NKAIN2: variants seen among roughly 807,000 people sequenced by gnomAD.
NKAIN2 encodes sodium/potassium-transporting ATPase subunit beta-1-interacting protein 2.
In NKAIN2, 14 loss-of-function variants were observed where a neutral mutation model predicts 32.6. The observed-to-expected ratio is 0.43, with a 90% CI of 0.28 to 0.67. NKAIN2 has a LOEUF of 0.67. Among genes scored for constraint, NKAIN2 ranks in the 30% least tolerant of loss-of-function variants. The pLI is 0.17. For synonymous variants in NKAIN2, 80 were observed against 87.2 expected, an observed-to-expected ratio of 0.92 and a Z score of 0.46; for missense variants, 198 against 258.3, an observed-to-expected ratio of 0.77 and a Z score of 1.60.
intron 1 of NKAIN2, among the ~76,000 whole-genome samples, chr6:124,051,981 AG>A: frequency 6.6e-6 from 1 of 152,162 alleles, no homozygotes. Flanking sequence ...ACTGCCTGGG[AG>A]GGGCCAAGAA....
intron 3 of NKAIN2, among the ~76,000 whole-genome samples, chr6:124,599,356 C>T (rs1038398991): frequency 1.3e-5 from 2 of 152,034 alleles, no homozygotes; most frequent in Admixed American, 6.6e-5. Context: ...AAAAAAAAAT[C>T]TGTTTACAGC....
At chr6:124,278,066 A>G (rs895978935) in intron 1 of NKAIN2, among the ~76,000 whole-genome samples, 2 of 152,174 alleles carry the variant, frequency 1.3e-5, no homozygotes, top group Admixed American at 1.3e-4. Flanking sequence ...ACAAAATGCA[A>G]TTTCTTAAGG....
At chr6:124,695,103 G>T (rs1227313976) in intron 4 of NKAIN2, among the ~76,000 whole-genome samples, 5 of 148,902 alleles carry the variant, frequency 3.4e-5, no homozygotes, top group African/African-American at 1.2e-4. Flanking sequence ...ACTGTTCTTT[G>T]CTTCTTTTAA....
chr6:124,546,265 A>C (rs1410293967), intron 3 of NKAIN2, among the ~76,000 whole-genome samples: 1 of 152,108 alleles, frequency 6.6e-6, no homozygotes, highest in Non-Finnish European at 1.5e-5. Flanking sequence ...TAGTTCCCAG[A>C]TATGGTCCCT....
At chr6:124,735,973 C>G (rs1776917707) in intron 4 of NKAIN2, among the ~76,000 whole-genome samples, 1 of 151,822 alleles carries the variant, frequency 6.6e-6, no homozygotes, top group African/African-American at 2.4e-5. Context: ...CGCTTTAAAT[C>G]AAAAGCTAGA....
chr6:124,302,025 G>A (rs1464448600), intron 2 of NKAIN2, among the ~76,000 whole-genome samples: 2 of 152,166 alleles, frequency 1.3e-5, no homozygotes, highest in African/African-American at 2.4e-5. Flanking sequence ...ACCTTGAATT[G>A]TAATAATCCC....
At chr6:124,305,981 C>T (rs1796492267) in intron 2 of NKAIN2, among the ~76,000 whole-genome samples, 2 of 152,034 alleles carry the variant, frequency 1.3e-5, no homozygotes, top group Non-Finnish European at 2.9e-5. Flanking sequence ...TCCCAATTGT[C>T]CTTACTCTTC....
chr6:123,860,859 A>G lies in NKAIN2; in HGVS notation c.54+56605A>G, dbSNP rs2130592. On this transcript the variant is annotated intron_variant, in intron 1 of 6. Coordinates refer to ENST00000368417, the MANE Select transcript of NKAIN2 (RefSeq NM_001040214.3). Reference sequence around the variant, plus strand: ...GTCTCCTTGCCTCTAATTCACTCCCACTCAGTGTTTGCCCCTTTGAGAAAG... The same window carrying G: ...GTCTCCTTGCCTCTAATTCACTCCCGCTCAGTGTTTGCCCCTTTGAGAAAG... Among the ~76,000 whole-genome samples the G allele has an allele frequency of 8.0e-3, 1,222 of 151,952 alleles. 11 individuals carry two copies. The highest frequency in any genetic ancestry group is 0.028 in the African/African-American group (1,144 of 41,408).
chr6:124,393,252 G>A (rs1049024762), intron 3 of NKAIN2, among the ~76,000 whole-genome samples: 2 of 151,984 alleles, frequency 1.3e-5, no homozygotes, highest in Non-Finnish European at 2.9e-5. Flanking sequence ...ATACTACAGA[G>A]ATATTCATTA....
chr6:124,798,496 A>G (rs1435552019), intron 5 of NKAIN2, among the ~76,000 whole-genome samples: 1 of 152,058 alleles, frequency 6.6e-6, no homozygotes, highest in Non-Finnish European at 1.5e-5. Flanking sequence ...CAGGATCACA[A>G]AGCCTGAAGA....
At chr6:124,615,728 A>C (rs1433036943) in intron 3 of NKAIN2, among the ~76,000 whole-genome samples, 1 of 152,174 alleles carries the variant, frequency 6.6e-6, no homozygotes, top group Non-Finnish European at 1.5e-5. Flanking sequence ...GCAATTACAT[A>C]GATATTACAC....
intron 3 of NKAIN2, among the ~76,000 whole-genome samples, chr6:124,440,715 G>A (rs144916041): frequency 3.9e-4 from 59 of 152,014 alleles, no homozygotes; most frequent in East Asian, 9.7e-4. Context: ...TCTTTGCTTC[G>A]TAGTCTCTTA....
At chr6:124,148,904 A>G (rs1787562772) in intron 1 of NKAIN2, among the ~76,000 whole-genome samples, 1 of 152,188 alleles carries the variant, frequency 6.6e-6, no homozygotes, top group South Asian at 2.1e-4. Flanking sequence ...TGACTGCATT[A>G]TATTGCATTT....
chr6:124,126,164 G>A (rs2114997175), intron 1 of NKAIN2, among the ~76,000 whole-genome samples: 1 of 152,030 alleles, frequency 6.6e-6, no homozygotes, highest in South Asian at 2.1e-4. Context: ...ATTTCAAATT[G>A]CCTAATTTCC....
intron 1 of NKAIN2, among the ~76,000 whole-genome samples, chr6:124,232,985 A>T (rs1440936922): frequency 6.6e-6 from 1 of 152,184 alleles, no homozygotes; most frequent in Non-Finnish European, 1.5e-5. Context: ...GAAACATAGG[A>T]AATAGACTTG....
At chr6:124,652,296 A>G (rs1784395313) in intron 3 of NKAIN2, among the ~76,000 whole-genome samples, 1 of 152,162 alleles carries the variant, frequency 6.6e-6, no homozygotes. Context: ...CCATATTTCT[A>G]CCAGCATTCC....
intron 3 of NKAIN2, among the ~76,000 whole-genome samples, chr6:124,410,172 G>GT (rs758107791): frequency 2.0e-5 from 3 of 152,002 alleles, no homozygotes; most frequent in Non-Finnish European, 2.9e-5. Context: ...TTTTTGAAGG[G>GT]TTTTTTGTGT....
intron 1 of NKAIN2, among the ~76,000 whole-genome samples, chr6:124,181,011 G>T (rs888490786): frequency 2.0e-5 from 3 of 152,202 alleles, no homozygotes; most frequent in Non-Finnish European, 2.9e-5. Context: ...CTCCATGAAG[G>T]TTCTGCCGCT....
intron 1 of NKAIN2, among the ~76,000 whole-genome samples, chr6:124,136,439 T>C (rs556839445): frequency 5.1e-4 from 78 of 152,152 alleles, no homozygotes; most frequent in Non-Finnish European, 1.0e-3. Flanking sequence ...TTTAAAGAAC[T>C]GGTACCAATT....
Sources: gnomAD v4.1 joint callset for allele counts (sites outside exome capture counted in the v4.1 genomes callset) on GRCh38, gnomAD v4.1.1 for gene constraint, MANE v1.5 for transcripts, NCBI Gene and HGNC (gene_info 2026-07-23, HGNC 2026-07-21) for gene names.